DAB2IP: variants seen among roughly 807,000 people sequenced by gnomAD.
The protein encoded by DAB2IP is DAB2 interacting protein, also known as disabled homolog 2-interacting protein.
In DAB2IP, 28 loss-of-function variants were observed where a neutral mutation model predicts 107.2. The observed-to-expected ratio is 0.26, with a 90% CI of 0.19 to 0.36. DAB2IP has a LOEUF of 0.36. DAB2IP is among the 10% of genes least tolerant of loss of function. The pLI is 1.00. For synonymous variants in DAB2IP, 755 were observed against 706.4 expected, an observed-to-expected ratio of 1.07 and a Z score of -1.09; for missense variants, 1,400 against 1,644.7, an observed-to-expected ratio of 0.85 and a Z score of 2.57.
chr9:121,699,376 C>A lies in DAB2IP; in HGVS notation c.280C>A (p.Pro94Thr). 6.7e-7 allele frequency: 1 copy of A among 1,484,950 alleles called. No individual in the cohort carries two copies. Among genetic ancestry groups the A allele is most frequent in the Non-Finnish European group, 9.0e-7 (1 of 1,108,860 alleles). 92.0% of individuals were successfully genotyped at this position (1,484,950 alleles called of 1,614,324 possible). The stretch of plus-strand genomic sequence containing the variant: ...CTCCATCAAGCGCACCAAGAGCCAG[C>A]CCAAGCTGGACCGCAACCACAGCTT... The change falls in exon 3 of 16, where the codon CCC (proline) becomes ACC (threonine). Residue 94 changes from proline to threonine, a missense_variant. By Grantham distance (38) the Pro-to-Thr change is conservative (BLOSUM62 -1). This residue lies in a region of DAB2IP where 283 missense variants were observed against 237.0 expected (regional missense o/e 1.19). Coordinates refer to ENST00000408936, the Ensembl canonical transcript of DAB2IP. This position sits in a 1 kb window ranked among gnomAD's most constrained non-coding sequence, Gnocchi z 6.2.
chr9:121,689,929 G>C (rs1468520693), intron 2 of DAB2IP, among the ~76,000 whole-genome samples: 1 of 152,252 alleles, frequency 6.6e-6, no homozygotes, highest in Non-Finnish European at 1.5e-5. Flanking sequence ...TTACATGAGA[G>C]CTTTAGCTCT....
intron 3 of DAB2IP, among the ~76,000 whole-genome samples, chr9:121,744,426 G>T (rs893369463): frequency 1.3e-5 from 2 of 152,206 alleles, no homozygotes; most frequent in Admixed American, 6.5e-5. Context: ...TCAGAGGAAG[G>T]ATTGGGCTTG....
chr9:121,583,224 A>C (rs796617891), intron 1 of DAB2IP, among the ~76,000 whole-genome samples: 8 of 152,284 alleles, frequency 5.3e-5, no homozygotes, highest in African/African-American at 1.9e-4. Flanking sequence ...CCGTCTTTAC[A>C]TAAAATACAA....
intron 1 of DAB2IP, chr9:121,567,344 T>A (rs1589363597): frequency 2.0e-6 from 3 of 1,494,152 alleles, no homozygotes; most frequent in Non-Finnish European, 2.8e-6. Flanking sequence ...ATCTGGGCAC[T>A]GTCTGGTCTT....
At chr9:121,745,174 C>T (rs1174941283) in intron 3 of DAB2IP, among the ~76,000 whole-genome samples, 2 of 152,200 alleles carry the variant, frequency 1.3e-5, no homozygotes, top group African/African-American at 2.4e-5. Context: ...TCATTCTTTG[C>T]TGCAGTTAGC....
At chr9:121,762,628 T>A (rs917423804) in intron 6 of DAB2IP, among the ~76,000 whole-genome samples, 6 of 152,192 alleles carry the variant, frequency 3.9e-5, no homozygotes, top group Non-Finnish European at 5.9e-5. Context: ...GATGCCTGGG[T>A]CCACCCCTCC....
In DAB2IP at chr9:121,633,597, A is replaced by G. The variant is rs202063742; in HGVS notation, c.41-45081A>G. On this transcript the variant is annotated intron_variant, in intron 1 of 16. Coordinates refer to the DAB2IP transcript ENST00000259371. This position sits in a 1 kb window ranked among gnomAD's most constrained non-coding sequence, Gnocchi z 5.1. Reference sequence around the variant, plus strand: ...CTGGGAACTCGAGGAGACTCTTTTCATTAGGCTTTTAAGACCTGGCAGGCT... The same window carrying G: ...CTGGGAACTCGAGGAGACTCTTTTCGTTAGGCTTTTAAGACCTGGCAGGCT... 2.0e-5 allele frequency among the ~76,000 whole-genome samples: 3 copies of G among 152,178 alleles called. No individual in the cohort carries two copies. The highest frequency in any genetic ancestry group is 7.2e-5 in the African/African-American group (3 of 41,446).
intron 1 of DAB2IP, among the ~76,000 whole-genome samples, chr9:121,614,289 A>G (rs188025230): frequency 3.3e-5 from 5 of 149,840 alleles, no homozygotes; most frequent in Non-Finnish European, 5.9e-5. Flanking sequence ...GATGATAACC[A>G]GGACCTAATG....
intron 1 of DAB2IP, among the ~76,000 whole-genome samples, chr9:121,583,865 G>C (rs1830258294): frequency 6.6e-6 from 1 of 152,168 alleles, no homozygotes; most frequent in African/African-American, 2.4e-5. Flanking sequence ...GACTAGAGCA[G>C]CTCACCAGAT....
At chr9:121,652,896 T>C (rs1343338704) in intron 1 of DAB2IP, among the ~76,000 whole-genome samples, 1 of 152,168 alleles carries the variant, frequency 6.6e-6, no homozygotes, top group Non-Finnish European at 1.5e-5. Context: ...TAGTGTTCGG[T>C]TGCTTCCACC....
intron 3 of DAB2IP, among the ~76,000 whole-genome samples, chr9:121,752,595 A>G (rs960794530): frequency 3.3e-5 from 5 of 152,214 alleles, no homozygotes; most frequent in Non-Finnish European, 5.9e-5. Context: ...GAAGGACAGC[A>G]TGTGCCTGGG....
chr9:121,722,163 C>T (rs1050235602), intron 3 of DAB2IP, among the ~76,000 whole-genome samples: 1 of 152,336 alleles, frequency 6.6e-6, no homozygotes. Context: ...TGGGGGCTGT[C>T]GATCTCTCCG....
chr9:121,733,099 G>GT (rs1315141333), intron 3 of DAB2IP, among the ~76,000 whole-genome samples: 1 of 152,194 alleles, frequency 6.6e-6, no homozygotes, highest in Non-Finnish European at 1.5e-5. Flanking sequence ...CTTGTACCTT[G>GT]TGGTACAACT....
At chr9:121,636,482 C>T (rs1442887714) in intron 1 of DAB2IP, among the ~76,000 whole-genome samples, 1 of 152,118 alleles carries the variant, frequency 6.6e-6, no homozygotes, top group Non-Finnish European at 1.5e-5. Context: ...GGAGGAGAGG[C>T]GGGAGGCCTG....
chr9:121,588,311 C>G (rs2789879), intron 1 of DAB2IP, among the ~76,000 whole-genome samples: 150,642 of 151,922 alleles, frequency 0.99, 74,704 homozygotes, highest in Middle Eastern at 1. Context: ...CTGATCCCTT[C>G]AGATCAGGCA....
At chr9:121,784,061 G>GT (rs1564241252) in exon 16 of DAB2IP, 1 of 171,020 alleles carries the variant, frequency 5.8e-6, no homozygotes, top group East Asian at 1.5e-4. Flanking sequence ...GCCATACTGC[G>GT]TCCACCCTGA....
chr9:121,773,427 CTG>C lies in DAB2IP; in HGVS notation c.2900_2901del (p.Leu967GlnfsTer61). ...TGATTGGGTGGGCCCCAGTACCCGC[CTG>C]AGGCAGCAGTCCTCTTCCTCCAAGG... On this transcript the variant is annotated frameshift_variant, in exon 12 of 16. Transcript: ENST00000408936. LOFTEE classifies it high-confidence loss of function. 1 of 1,558,648 alleles carries C rather than the reference CTG, an allele frequency of 6.4e-7. No homozygotes were observed. Among genetic ancestry groups the C allele is most frequent in the Non-Finnish European group, 8.6e-7 (1 of 1,156,260 alleles).
At chr9:121,779,015 C>G (rs191059303) in intron 14 of DAB2IP, among the ~76,000 whole-genome samples, 3 of 152,126 alleles carry the variant, frequency 2.0e-5, no homozygotes, top group African/African-American at 7.2e-5. Context: ...TCCTAGCACA[C>G]GTGCATTAGG....
intron 1 of DAB2IP, among the ~76,000 whole-genome samples, chr9:121,659,768 T>C (rs1305208765): frequency 2.0e-5 from 3 of 152,014 alleles, no homozygotes; most frequent in African/African-American, 7.3e-5. Flanking sequence ...CACTCCAGCC[T>C]GGGTGACAGA....
Sources: gnomAD v4.1 joint callset for allele counts (sites outside exome capture counted in the v4.1 genomes callset) on GRCh38, gnomAD v4.1.1 for gene constraint, gnomAD v4.1.1 regional missense constraint, Gnocchi (gnomAD v3.1) non-coding constraint, MANE v1.5 for transcripts, NCBI Gene and HGNC (gene_info 2026-07-23, HGNC 2026-07-21) for gene names.